The following ABCD4 variants were observed in gnomAD, a reference collection of about 807,000 sequenced individuals.
The protein encoded by ABCD4 is lysosomal cobalamin transporter ABCD4.
ABCD4 carries 53 observed loss-of-function variants against 86.3 expected under a neutral mutation model. The ratio of observed to expected loss-of-function variants is 0.61; its 90% CI spans 0.49 to 0.77. The LOEUF (loss-of-function observed/expected upper bound fraction) is 0.77. Ranked by LOEUF, ABCD4 falls within the 30% of genes least tolerant of loss-of-function variation. ABCD4 has a pLI of 0.00. For synonymous variants in ABCD4, 328 were observed against 313.6 expected (o/e 1.05, Z -0.49); for missense variants, 757 against 764.5 (o/e 0.99, Z 0.12).
At position 74,290,364 on chromosome 14, in the gene ABCD4, G is replaced by A. The variant is rs762104370; in HGVS notation, c.1254C>T (p.Leu418=). The A allele has an allele frequency of 1.9e-6, 3 of 1,614,182 alleles. No individual in the cohort carries two copies. The highest frequency in any genetic ancestry group is 1.7e-5 in the Admixed American group (1 of 60,012). Residue 418 remains leucine (L), a synonymous_variant, in exon 12 of 19, where the codon CTC becomes CTT. Transcript: ENST00000356924. ...SLKISEGQSL[L]ITGNTGTGKT... ...TGCCAGTGCCCGTGTTGCCTGTGAT[G>A]AGCAGGCTCTGTCCCTCGGAGATCT...
At position 74,293,150 on chromosome 14, in the gene ABCD4, C is replaced by G; in HGVS notation, c.814+4G>C. On this transcript the variant is annotated splice_donor_region_variant and intron_variant, in intron 8 of 18. Coordinates refer to ENST00000356924, the MANE Select transcript of ABCD4 (RefSeq NM_005050.4). ...TTCCCACTTCCCTGGGCCCCCTCGC[C>G]TACTGTACAGCCAGAGCTCCTTGGA... 6.2e-7 allele frequency: 1 copy of G among 1,613,668 alleles called. No individual in the cohort carries two copies. The highest frequency in any genetic ancestry group is 8.5e-7 in the Non-Finnish European group (1 of 1,179,752).
intron 3 of ABCD4, among the ~76,000 whole-genome samples, chr14:74,298,743 C>T (rs1291110045): frequency 6.6e-6 from 1 of 152,230 alleles, no homozygotes; most frequent in Non-Finnish European, 1.5e-5. Flanking sequence ...TAGGTGCTTA[C>T]TGACCGAAGA....
chr14:74,297,835 T>C, intron 4 of ABCD4, 95 bp downstream of exon 4: 2 of 1,490,268 alleles, frequency 1.3e-6, no homozygotes, highest in East Asian at 4.8e-5. Context: ...CGACTGCAGA[T>C]GATCTCCTTG....
rs2079557011 is a variant in ABCD4, at chr14:74,285,382, T to C, written c.*1079A>G. The C allele has an allele frequency of 6.6e-6, 1 of 152,232 alleles. No individual in the cohort carries two copies. The highest frequency in any genetic ancestry group is 1.9e-4 in the East Asian group (1 of 5,206). 9.4% of individuals were successfully genotyped at this position (152,232 alleles called of 1,614,324 possible). A position where few individuals can be genotyped will look rare whatever the true frequency, so the allele number is the denominator to read the frequency against. On this transcript the variant is annotated 3_prime_UTR_variant, in exon 19 of 19. Coordinates refer to ENST00000356924, the MANE Select transcript of ABCD4 (RefSeq NM_005050.4). ...ATGAACAAGCCTCAGGCCCAGAGTC[T>C]ATGCAGGCAACAGCATCTAGCCGTA...
At chr14:74,296,563 A>G in intron 4 of ABCD4, 114 bp from the exon 5 acceptor site, 1 of 911,348 alleles carries the variant, frequency 1.1e-6, no homozygotes, top group Non-Finnish European at 1.7e-6. Context: ...TGCTGTGAAC[A>G]CTGACCCTAT....
Position 74,287,886 on chromosome 14 carries a change from C to A in ABCD4, c.1560G>T (p.Trp520Cys). The A allele has an allele frequency of 6.2e-7, 1 of 1,612,438 alleles. No homozygotes were observed. The highest frequency in any genetic ancestry group is 8.5e-7 in the Non-Finnish European group (1 of 1,179,148). The change falls in exon 17 of 19, where the codon TGG (tryptophan) becomes TGT (cysteine). Residue 520 changes from tryptophan (W) to cysteine (C), a missense_variant and splice_region_variant. Physicochemically the swap from Trp to Cys is radical, Grantham distance 215. Transcript: ENST00000356924. ...EGLDQQVDWN[W>C]YDVLSPGEMQ... ...TCTCCCCCGGGGACAGAACATCATA[C>A]CTGAGGAAAGGTAGGAGAGAGGACT...
rs145155300 is a variant in ABCD4, at chr14:74,290,388, C to T, written c.1230G>A (p.Lys410=). 9.1e-4 allele frequency: 1,475 copies of T among 1,614,100 alleles called. No homozygotes were observed. Among genetic ancestry groups the T allele is most frequent in the Non-Finnish European group, 1.2e-3 (1,409 of 1,180,034 alleles). ...TGAGCAGGCTCTGTCCCTCGGAGAT[C>T]TTTAGGCTCAGATCCTTGATTAGGG... The part of the protein sequence containing the change: ...DKPLIKDLSL[K]ISEGQSLLIT... Residue 410 remains lysine (K), a synonymous_variant, in exon 12 of 19, where the codon AAG becomes AAA. Transcript: ENST00000356924.
In ABCD4 at chr14:74,285,323, G is replaced by A. The variant is rs1361707890; in HGVS notation, c.*1138C>T. ...GGAGAAAAATCTCAGTTGAGTGCCA[G>A]TCCGTCTAACTCCTCACCTCTCTTT... On this transcript the variant is annotated 3_prime_UTR_variant, in exon 19 of 19. Coordinates refer to ENST00000356924, the MANE Select transcript of ABCD4 (RefSeq NM_005050.4). 2 of 152,146 alleles carry A rather than the reference G, an allele frequency of 1.3e-5. No individual in the cohort carries two copies. The highest frequency in any genetic ancestry group is 4.8e-5 in the African/African-American group (2 of 41,428). 9.4% of individuals were successfully genotyped at this position (152,146 alleles called of 1,614,324 possible).
At chr14:74,302,721 C>T (rs878905755) in intron 1 of ABCD4, among the ~76,000 whole-genome samples, 154 bp downstream of exon 1, 1 of 152,108 alleles carries the variant, frequency 6.6e-6, no homozygotes, top group Non-Finnish European at 1.5e-5. Context: ...GGCGGGAGGG[C>T]GGACGCCCCT....
intron 1 of ABCD4, 50 bp from the exon 2 acceptor site, chr14:74,300,318 C>A: frequency 8.1e-7 from 1 of 1,228,482 alleles, no homozygotes. Flanking sequence ...ATAATTAAGC[C>A]TTAGGGAGTA....
At chr14:74,289,952 T>C (rs1334108883) in intron 13 of ABCD4, 75 bp downstream of exon 13, 10 of 1,605,638 alleles carry the variant, frequency 6.2e-6, no homozygotes, top group Non-Finnish European at 8.5e-6. Context: ...CTGAGACTTG[T>C]CACAGTGCCA....
At chr14:74,301,825 C>T (rs2084641239) in intron 1 of ABCD4, among the ~76,000 whole-genome samples, 1 of 151,990 alleles carries the variant, frequency 6.6e-6, no homozygotes, top group Non-Finnish European at 1.5e-5. Flanking sequence ...CGCTTGAACC[C>T]GAGGCGGAGG....
chr14:74,287,742 A>G, intron 17 of ABCD4, 68 bp downstream of exon 17: 2 of 1,459,922 alleles, frequency 1.4e-6, no homozygotes, highest in Non-Finnish European at 1.9e-6. Flanking sequence ...GGTGCCTGTG[A>G]ACACATGCTG....
At position 74,286,756 on chromosome 14, in the gene ABCD4, C is replaced by A; in HGVS notation, c.1697G>T (p.Gly566Val). The change falls in exon 18 of 19, where the codon GGC (glycine) becomes GTC (valine). Residue 566 changes from glycine (G) to valine (V), a missense_variant. By Grantham distance (109) the Gly-to-Val change is moderately radical. Coordinates refer to ENST00000356924, the MANE Select transcript of ABCD4 (RefSeq NM_005050.4). ...EEVESELYRI[G>V]QQLGMTFISV... is the part of the protein sequence containing the mutation. ...GATGAACGTCATCCCCAGCTGCTGG[C>A]CGATGCGATAGAGCTCGCTCTCCAC... 3.1e-6 allele frequency: 5 copies of A among 1,614,138 alleles called. No homozygotes were observed. The highest frequency in any genetic ancestry group is 4.2e-6 in the Non-Finnish European group (5 of 1,180,040).
intron 1 of ABCD4, among the ~76,000 whole-genome samples, chr14:74,300,907 C>T (rs2084267497): frequency 6.6e-6 from 1 of 151,930 alleles, no homozygotes; most frequent in African/African-American, 2.4e-5. Context: ...GGCTGGAATG[C>T]AACGGCGCAA....
rs1594875847 is a variant in ABCD4 at position 74,290,585 on chromosome 14, C to T, written c.1119-86G>A. On this transcript the variant is annotated intron_variant, in intron 11 of 18. Coordinates refer to ENST00000356924, the MANE Select transcript of ABCD4 (RefSeq NM_005050.4). Reference sequence around the variant, plus strand: ...AGGCACTGCTCCCGGGAGCCACCACCTGTGGATTATTATGGGCTGACTTGC... The same window carrying T: ...AGGCACTGCTCCCGGGAGCCACCACTTGTGGATTATTATGGGCTGACTTGC... 2.6e-5 allele frequency: 27 copies of T among 1,034,388 alleles called. No individual in the cohort carries two copies. The South Asian group carries it at 3.5e-4, about 13-fold the overall frequency. 64.1% of individuals were successfully genotyped at this position (1,034,388 alleles called of 1,614,324 possible). A position where few individuals can be genotyped will look rare whatever the true frequency, so the allele number is the denominator to read the frequency against.
At chr14:74,296,517 T>C in intron 4 of ABCD4, 68 bp from the exon 5 acceptor site, 2 of 1,389,994 alleles carry the variant, frequency 1.4e-6, no homozygotes, top group Admixed American at 1.7e-5. Flanking sequence ...AACAAGAAAC[T>C]TTCACATCAC....
In ABCD4 at chr14:74,286,281, C is replaced by G. The variant is rs4148081; in HGVS notation, c.*180G>C. 1 of 623,654 alleles carries G rather than the reference C, an allele frequency of 1.6e-6. No homozygotes were observed. The highest frequency in any genetic ancestry group is 2.8e-5 in the East Asian group (1 of 36,002). The allele number at this position is 623,654 out of a possible 1,614,324, so 38.6% of individuals were successfully genotyped here. The stretch of plus-strand genomic sequence containing the variant: ...GAACACTGGGAGATTCAGTGTCCCC[C>G]ACAGAAACCTAGACCTGGGCTCAGC... On this transcript the variant is annotated 3_prime_UTR_variant, in exon 19 of 19. Coordinates refer to ENST00000356924, the MANE Select transcript of ABCD4 (RefSeq NM_005050.4).
At position 74,288,045 on chromosome 14, in the gene ABCD4, G is replaced by A; in HGVS notation, c.1560-159C>T. 9 of 1,047,890 alleles carry A rather than the reference G, an allele frequency of 8.6e-6. No individual in the cohort carries two copies. The South Asian group carries it at 1.4e-4, about 16-fold the overall frequency. The allele number at this position is 1,047,890 out of a possible 1,614,324, so 64.9% of individuals were successfully genotyped here. ...ACCATAGGCCTACAGCCCTCACAGA[G>A]TGAGGCAAAACTCTGTTCCCAAGGG... On this transcript the variant is annotated intron_variant, in intron 16 of 18. Coordinates refer to ENST00000356924, the MANE Select transcript of ABCD4 (RefSeq NM_005050.4).
Sources: allele counts gnomAD v4.1 joint callset (sites outside exome capture counted in the v4.1 genomes callset), GRCh38; gene constraint gnomAD v4.1.1; transcripts MANE v1.5; gene names NCBI Gene and HGNC (gene_info 2026-07-23, HGNC 2026-07-21).